Variants in CUX2 observed in about 807,000 individuals in gnomAD.
CUX2 encodes the protein homeobox protein cut-like 2.
A neutral mutation model predicts 144.8 loss-of-function variants in CUX2; 40 were observed. That is an observed-to-expected ratio of 0.28 (90% confidence interval 0.21 to 0.36). The LOEUF is 0.36. Among genes scored for constraint, CUX2 ranks in the 10% least tolerant of loss-of-function variants. CUX2 has a pLI of 1.00. For missense variants in CUX2, 1,615 were observed against 1,994.0 expected, an observed-to-expected ratio of 0.81 and a Z score of 3.62; for synonymous variants, 827 against 875.6, an observed-to-expected ratio of 0.94 and a Z score of 0.98.
rs1341491109 is a variant in CUX2, at chr12:111,178,898, T to A, written c.64-35302T>A. ...CAGGTCCAGGAGCGTGTCTGGACTC[T>A]GTAACGGGGAATGACAGCAAGGGGG... On this transcript the variant is annotated intron_variant, in intron 1 of 21. Transcript: ENST00000261726. The surrounding 1 kb of genome is among the most constrained non-coding windows in gnomAD (Gnocchi z 5.7). Among the ~76,000 whole-genome samples, 2 of 152,000 alleles carry A rather than the reference T, an allele frequency of 1.3e-5. No homozygotes were observed. Among genetic ancestry groups the A allele is most frequent in the African/African-American group, 4.8e-5 (2 of 41,374 alleles).
intron 1 of CUX2, among the ~76,000 whole-genome samples, chr12:111,191,133 A>G (rs1409531859): frequency 6.6e-6 from 1 of 152,132 alleles, no homozygotes; most frequent in African/African-American, 2.4e-5. Context: ...GGCAAGTGCT[A>G]ACCTGTCTGA....
chr12:111,346,429 T>C (rs1466746511), intron 21 of CUX2, among the ~76,000 whole-genome samples: 3 of 151,056 alleles, frequency 2.0e-5, no homozygotes, highest in Non-Finnish European at 4.4e-5. Flanking sequence ...TGAGCCGCGA[T>C]TGCGCCACTG....
chr12:111,202,167 C>T (rs886167690), intron 1 of CUX2, among the ~76,000 whole-genome samples: 2 of 152,164 alleles, frequency 1.3e-5, no homozygotes, highest in African/African-American at 4.8e-5. Context: ...CTTTCCCCTG[C>T]CCCCATTTTG....
chr12:111,320,785 G>A lies in CUX2; in HGVS notation c.2766+10G>A, dbSNP rs529265056. 3.3e-6 allele frequency: 5 copies of A among 1,506,172 alleles called. No individual in the cohort carries two copies. The African/African-American group carries it at 5.7e-5, about 17-fold the overall frequency. The allele number at this position is 1,506,172 out of a possible 1,614,324, so 93.3% of individuals were successfully genotyped here. A position where few individuals can be genotyped will look rare whatever the true frequency, so the allele number is the denominator to read the frequency against. On this transcript the variant is annotated intron_variant, in intron 17 of 21. Transcript: ENST00000261726. The surrounding 1 kb of genome is among the most constrained non-coding windows in gnomAD (Gnocchi z 8.1). Reference sequence around the variant, plus strand: ...GATCTTCGGGGAGAAGGTGAGTGCAGGGCGGGCCCCCGGTGTCTGGGCTCT... The same window carrying A: ...GATCTTCGGGGAGAAGGTGAGTGCAAGGCGGGCCCCCGGTGTCTGGGCTCT...
chr12:111,227,791 G>A (rs1200391638), intron 3 of CUX2, among the ~76,000 whole-genome samples: 2 of 152,040 alleles, frequency 1.3e-5, no homozygotes, highest in Non-Finnish European at 2.9e-5. Context: ...CTCCCCTAGA[G>A]CACACCCCTG....
intron 1 of CUX2, among the ~76,000 whole-genome samples, chr12:111,183,489 G>A (rs549705892): frequency 1.3e-5 from 2 of 152,370 alleles, no homozygotes; most frequent in African/African-American, 2.4e-5. Context: ...CTCAGAGGCA[G>A]GGTGAGGTTG....
At chr12:111,122,436 C>G (rs1255135651) in intron 1 of CUX2, among the ~76,000 whole-genome samples, 1 of 151,000 alleles carries the variant, frequency 6.6e-6, no homozygotes, top group African/African-American at 2.4e-5. Context: ...CCAGAAAGTT[C>G]GGAATATAAA....
At chr12:111,038,387 T>TGCCGAGGTCCAATTGCA (rs1174036954) in intron 1 of CUX2, among the ~76,000 whole-genome samples, 36 of 152,272 alleles carry the variant, frequency 2.4e-4, no homozygotes, top group Non-Finnish European at 4.7e-4. Context: ...ATAGAATTGC[T>TGCCGAGGTCCAATTGCA]GCCGAGGTCC....
chr12:111,197,648 G>T (rs767065311), intron 1 of CUX2, among the ~76,000 whole-genome samples: 13 of 152,338 alleles, frequency 8.5e-5, no homozygotes, highest in Non-Finnish European at 1.3e-4. Flanking sequence ...CTTGAGTGAA[G>T]GCAGAGACAG....
chr12:111,310,259 C>T lies in CUX2; in HGVS notation c.1477C>T (p.Pro493Ser), dbSNP rs202129111. Residue 493 changes from proline (P) to serine (S), a missense_variant, in exon 15 of 22, where the codon CCC becomes TCC. Physicochemically the swap from Pro to Ser is moderately conservative, Grantham distance 74 (BLOSUM62 -1). Transcript: ENST00000261726. The surrounding 1 kb of genome is among the most constrained non-coding windows in gnomAD (Gnocchi z 7.9). ...GGCATCAGGGGAGAGACTGATGATG[C>T]CCCCAGCCGCCTTCAAGGGAGAGGC... ...SLASGERLMM[P>S]PAAFKGEAGG... The T allele has an allele frequency of 1.3e-6, 2 of 1,506,794 alleles. No homozygotes were observed. The highest frequency in any genetic ancestry group is 1.4e-5 in the African/African-American group (1 of 71,838). The allele number at this position is 1,506,794 out of a possible 1,614,324, so 93.3% of individuals were successfully genotyped here. A position where few individuals can be genotyped will look rare whatever the true frequency, so the allele number is the denominator to read the frequency against.
rs115519505 is a variant in CUX2, at chr12:111,336,824, C to T, written c.3197-1462C>T. 5.9e-3 allele frequency among the ~76,000 whole-genome samples: 889 copies of T among 151,958 alleles called. 11 individuals are homozygous for T. The highest frequency in any genetic ancestry group is 0.021 in the African/African-American group (850 of 41,410). ...ACATATATACACTTAATTTCCTCTC[C>T]TTTTTTTTCTGTGTAGACGAAATGA... On this transcript the variant is annotated intron_variant, in intron 19 of 21. Transcript: ENST00000261726.
chr12:111,221,782 C>A (rs568103756), intron 3 of CUX2, among the ~76,000 whole-genome samples: 1 of 151,828 alleles, frequency 6.6e-6, no homozygotes, highest in South Asian at 2.1e-4. Context: ...TCTTTTCTTT[C>A]TTTCTGTGTG....
At chr12:111,301,981 T>A (rs1295058887) in intron 9 of CUX2, among the ~76,000 whole-genome samples, 1 of 152,220 alleles carries the variant, frequency 6.6e-6, no homozygotes, top group Admixed American at 6.5e-5. Context: ...TTCAATCAGA[T>A]ATGCTCAGGG....
At chr12:111,267,501 T>G (rs539221850) in intron 4 of CUX2, among the ~76,000 whole-genome samples, 3 of 152,330 alleles carry the variant, frequency 2.0e-5, no homozygotes, top group African/African-American at 7.2e-5. Context: ...GGTCTCATCA[T>G]GTATAACAAA....
intron 6 of CUX2, among the ~76,000 whole-genome samples, chr12:111,294,127 A>C (rs2136336156): frequency 6.6e-6 from 1 of 152,344 alleles, no homozygotes; most frequent in African/African-American, 2.4e-5. Context: ...GGAGGCCATG[A>C]GTTCAAGACC....
At chr12:111,262,594 G>A (rs373473869) in intron 3 of CUX2, among the ~76,000 whole-genome samples, 1 of 151,890 alleles carries the variant, frequency 6.6e-6, no homozygotes, top group South Asian at 2.1e-4. Flanking sequence ...GCTCAGGCTG[G>A]TTTCGAACTC....
rs1434551354 is a variant in CUX2 at position 111,240,864 on chromosome 12, A to G, written c.223-22897A>G. On this transcript the variant is annotated intron_variant, in intron 3 of 21. Coordinates refer to ENST00000261726, the MANE Select transcript of CUX2 (RefSeq NM_015267.4). Reference sequence around the variant, plus strand: ...CAGCAAACAGAAATGTTAGGTATCTATTAATACCTCAGGGTCTAGAAAGCT... The same window carrying G: ...CAGCAAACAGAAATGTTAGGTATCTGTTAATACCTCAGGGTCTAGAAAGCT... Among the ~76,000 whole-genome samples, 2 of 152,198 alleles carry G rather than the reference A, an allele frequency of 1.3e-5. 1 individual carries two copies. The highest frequency in any genetic ancestry group is 4.1e-4 in the South Asian group (2 of 4,828).
At chr12:111,189,574 A>G (rs1408871016) in intron 1 of CUX2, among the ~76,000 whole-genome samples, 2 of 152,186 alleles carry the variant, frequency 1.3e-5, no homozygotes, top group Non-Finnish European at 2.9e-5. Context: ...GTAGATCACA[A>G]ATGTATTTAT....
chr12:111,316,666 T>G (rs917698006), intron 16 of CUX2, among the ~76,000 whole-genome samples: 1 of 151,842 alleles, frequency 6.6e-6, no homozygotes, highest in African/African-American at 2.4e-5. Flanking sequence ...GCCAGACTGG[T>G]TTCAAATTCC....
Sources: gnomAD v4.1 joint callset for allele counts (sites outside exome capture counted in the v4.1 genomes callset) on GRCh38, gnomAD v4.1.1 for gene constraint, Gnocchi (gnomAD v3.1) non-coding constraint, MANE v1.5 for transcripts, NCBI Gene and HGNC (gene_info 2026-07-23, HGNC 2026-07-21) for gene names.